The following ATXN1 variants were observed in gnomAD, a reference collection of about 807,000 sequenced individuals.
ATXN1 encodes the protein ataxin 1.
ATXN1 carries 8 observed loss-of-function variants against 56.4 expected under a neutral mutation model. That is an observed-to-expected ratio of 0.14 (90% confidence interval 0.08 to 0.26). The LOEUF (loss-of-function observed/expected upper bound fraction) is 0.26, where lower values mean the gene tolerates loss of function less well. Among genes scored for constraint, ATXN1 ranks in the 10% least tolerant of loss-of-function variants. The probability of loss-of-function intolerance (pLI) is 1.00; values close to 1 mark genes in which losing one functional copy is unlikely to be tolerated. For missense variants in ATXN1, 987 were observed against 1,106.5 expected (o/e 0.89, Z 1.53); for synonymous variants, 514 against 494.6 (o/e 1.04, Z -0.52).
intron 2 of ATXN1, among the ~76,000 whole-genome samples, chr6:16,720,776 T>G (rs376171056): frequency 2.0e-5 from 3 of 152,340 alleles, no homozygotes; most frequent in East Asian, 3.9e-4. Context: ...GAGTAAGTAA[T>G]TACCCTCTTT....
At chr6:16,545,987 A>G (rs1168765852) in intron 4 of ATXN1, among the ~76,000 whole-genome samples, 1 of 152,232 alleles carries the variant, frequency 6.6e-6, no homozygotes, top group Non-Finnish European at 1.5e-5. Flanking sequence ...GGGTGTCGGA[A>G]AAGTCTCTAA....
At chr6:16,579,620 C>T (rs1459707412) in intron 4 of ATXN1, among the ~76,000 whole-genome samples, 2 of 152,010 alleles carry the variant, frequency 1.3e-5, no homozygotes, top group East Asian at 3.9e-4. Context: ...TTCTAAAGCA[C>T]ACGGCATCAG....
intron 3 of ATXN1, among the ~76,000 whole-genome samples, chr6:16,606,595 C>T (rs371590312): frequency 7.9e-5 from 12 of 151,714 alleles, no homozygotes; most frequent in African/African-American, 2.7e-4. Flanking sequence ...GTGGTGCGAT[C>T]TCGGCTCACT....
intron 5 of ATXN1, among the ~76,000 whole-genome samples, chr6:16,491,131 T>C (rs1361888485): frequency 8.0e-6 from 1 of 124,852 alleles, no homozygotes. Context: ...GAAGTCTTGC[T>C]CCATCACCCA....
At chr6:16,699,197 T>C (rs1759231275) in intron 2 of ATXN1, among the ~76,000 whole-genome samples, 1 of 152,228 alleles carries the variant, frequency 6.6e-6, no homozygotes, top group Non-Finnish European at 1.5e-5. Context: ...ACTATTAAAC[T>C]GCATTTCAAA....
intron 6 of ATXN1, among the ~76,000 whole-genome samples, chr6:16,482,169 C>G (rs1760453616): frequency 6.6e-6 from 1 of 152,120 alleles, no homozygotes; most frequent in African/African-American, 2.4e-5. Context: ...ATGTATGTTC[C>G]TTTTCCTAAT....
intron 5 of ATXN1, among the ~76,000 whole-genome samples, chr6:16,486,347 C>A (rs977340887): frequency 2.6e-5 from 4 of 152,294 alleles, no homozygotes; most frequent in African/African-American, 9.6e-5. Context: ...CAGACACAAT[C>A]TTAGCTGAGA....
chr6:16,470,323 G>A (rs1760192443), intron 6 of ATXN1, among the ~76,000 whole-genome samples: 1 of 152,090 alleles, frequency 6.6e-6, no homozygotes, highest in Non-Finnish European at 1.5e-5. Context: ...GGGGGCTAGG[G>A]TGGAGGGTAG....
chr6:16,313,458 G>C (rs1166814745), intron 7 of ATXN1, among the ~76,000 whole-genome samples: 1 of 152,120 alleles, frequency 6.6e-6, no homozygotes, highest in Non-Finnish European at 1.5e-5. Flanking sequence ...GCTGTGGTGT[G>C]AACCATAGCT....
At chr6:16,367,689 TG>T (rs1272285739) in intron 6 of ATXN1, among the ~76,000 whole-genome samples, 4 of 151,876 alleles carry the variant, frequency 2.6e-5, no homozygotes, top group South Asian at 4.1e-4. Flanking sequence ...CTGAATGACC[TG>T]ATCTTCTTCT....
At chr6:16,571,074 C>A (rs1160999554) in intron 4 of ATXN1, among the ~76,000 whole-genome samples, 1 of 152,108 alleles carries the variant, frequency 6.6e-6, no homozygotes, top group Non-Finnish European at 1.5e-5. Flanking sequence ...ATTCTGCCTG[C>A]CTTTACCTTG....
intron 6 of ATXN1, among the ~76,000 whole-genome samples, chr6:16,412,067 A>T (rs898121221): frequency 6.6e-6 from 1 of 152,212 alleles, no homozygotes; most frequent in African/African-American, 2.4e-5. Flanking sequence ...AAGGGCAGTA[A>T]AAATGCCATT....
chr6:16,490,670 A>G (rs1053346575), intron 5 of ATXN1, among the ~76,000 whole-genome samples: 26 of 152,222 alleles, frequency 1.7e-4, no homozygotes, highest in African/African-American at 6.3e-4. Context: ...TTAGTAGACT[A>G]GCATTTTTGC....
At chr6:16,478,185 G>T (rs955150229) in intron 6 of ATXN1, among the ~76,000 whole-genome samples, 1 of 152,168 alleles carries the variant, frequency 6.6e-6, no homozygotes, top group Non-Finnish European at 1.5e-5. Flanking sequence ...ACACTACCCA[G>T]TGGGCAGCTC....
intron 3 of ATXN1, among the ~76,000 whole-genome samples, chr6:16,648,198 A>G (rs1324144211): frequency 6.6e-6 from 1 of 152,188 alleles, no homozygotes; most frequent in Admixed American, 6.5e-5. Flanking sequence ...TGAAGCTACT[A>G]TTGCTTACAG....
chr6:16,648,314 A>G (rs191371619), intron 3 of ATXN1, among the ~76,000 whole-genome samples: 1 of 152,356 alleles, frequency 6.6e-6, no homozygotes, highest in African/African-American at 2.4e-5. Flanking sequence ...GCAGTTCAAC[A>G]TAAGCACCTA....
At chr6:16,522,061 CA>C (rs1761304044) in intron 5 of ATXN1, among the ~76,000 whole-genome samples, 1 of 152,174 alleles carries the variant, frequency 6.6e-6, no homozygotes, top group Non-Finnish European at 1.5e-5. Context: ...CAGACTTGTG[CA>C]GGGCAAACAT....
intron 7 of ATXN1, among the ~76,000 whole-genome samples, chr6:16,311,849 C>T (rs567790981): frequency 1.3e-5 from 2 of 152,338 alleles, no homozygotes; most frequent in East Asian, 1.9e-4. Context: ...ACATCTGTCT[C>T]GTAAGACTCT....
chr6:16,729,054 T>G (rs1479951239), intron 2 of ATXN1, among the ~76,000 whole-genome samples: 1 of 152,184 alleles, frequency 6.6e-6, no homozygotes, highest in Non-Finnish European at 1.5e-5. Flanking sequence ...ATCTGAGAAA[T>G]CCTGAAACAA....
Sources: gnomAD v4.1 joint callset for allele counts (sites outside exome capture counted in the v4.1 genomes callset) on GRCh38, gnomAD v4.1.1 for gene constraint, MANE v1.5 for transcripts, NCBI Gene and HGNC (gene_info 2026-07-23, HGNC 2026-07-21) for gene names.